Variants in ANKRD30A observed in about 807,000 individuals in gnomAD.
ANKRD30A encodes the protein ankyrin repeat domain-containing protein 30A.
In ANKRD30A, 170 loss-of-function variants were observed where a neutral mutation model predicts 166.3. The observed-to-expected ratio is 1.02, with a 90% CI of 0.90 to 1.16. The LOEUF (loss-of-function observed/expected upper bound fraction) is 1.16, where lower values mean the gene tolerates loss of function less well. Ranked by LOEUF, ANKRD30A falls within the 50% of genes most tolerant of loss-of-function variation. The probability of loss-of-function intolerance (pLI) is 0.00; values close to 1 mark genes in which losing one functional copy is unlikely to be tolerated. For synonymous variants in ANKRD30A, 564 were observed against 508.9 expected, an observed-to-expected ratio of 1.11 and a Z score of -1.46; for missense variants, 1,630 against 1,518.0, an observed-to-expected ratio of 1.07 and a Z score of -1.23.
chr10:37,147,946 G>A (rs924469599), intron 9 of ANKRD30A, among the ~76,000 whole-genome samples: 10 of 152,194 alleles, frequency 6.6e-5, no homozygotes, highest in African/African-American at 2.2e-4. Flanking sequence ...TCACTACTGG[G>A]AAGGCATTAG....
At chr10:37,194,433 C>T (rs1056900654) in intron 27 of ANKRD30A, among the ~76,000 whole-genome samples, 2 of 149,054 alleles carry the variant, frequency 1.3e-5, no homozygotes, top group South Asian at 2.1e-4. Flanking sequence ...CTCTGCCTCC[C>T]GGGTTCACGC....
At chr10:37,164,635 T>C (rs1289228282) in intron 17 of ANKRD30A, among the ~76,000 whole-genome samples, 1 of 152,146 alleles carries the variant, frequency 6.6e-6, no homozygotes, top group South Asian at 2.1e-4. Context: ...AAAAAGTTAA[T>C]ATTCCTAAAA....
At chr10:37,130,105 C>T in intron 2 of ANKRD30A, 98 bp downstream of exon 2, 1 of 1,166,908 alleles carries the variant, frequency 8.6e-7, no homozygotes, top group East Asian at 3.2e-5. Context: ...AGTTTTGAAA[C>T]CTGTGGAATA....
intron 33 of ANKRD30A, 54 bp downstream of exon 33, chr10:37,217,932 T>C: frequency 7.9e-7 from 1 of 1,267,074 alleles, no homozygotes; most frequent in South Asian, 1.6e-5. Context: ...TCATCAATAT[T>C]ACTTTTAATA....
At chr10:37,258,769 C>G in the ANKRD30A span, among the ~76,000 whole-genome samples, 1 of 151,362 alleles carries the variant, frequency 6.6e-6, no homozygotes, top group East Asian at 1.9e-4. Flanking sequence ...TGAGACCATC[C>G]TGGCTAACAA....
Position 37,216,232 on chromosome 10 carries a change from C to A in ANKRD30A, c.2921C>A (p.Ala974Glu). The A allele has an allele frequency of 2.5e-6, 4 of 1,607,452 alleles. No individual in the cohort carries two copies. In the South Asian group the frequency reaches 4.4e-5, roughly 18 times the overall value. Residue 974 changes from alanine (A) to glutamate (E), a missense_variant, in exon 32 of 36, where the codon GCA (alanine) becomes GAA (glutamate). Physicochemically the swap from Ala to Glu is moderately radical, Grantham distance 107 (BLOSUM62 -1). Transcript: ENST00000361713. ...GATACAGTTCATTCTTGTGAAAGAG[C>A]AAGGGAACTTCAAAAAGATCACTGT... ...ILDTVHSCER[A>E]RELQKDHCEQ...
chr10:37,226,183 T>C (rs1180673050), intron 34 of ANKRD30A, among the ~76,000 whole-genome samples: 1 of 151,446 alleles, frequency 6.6e-6, no homozygotes, highest in African/African-American at 2.4e-5. Context: ...TGTATACATG[T>C]GCCATGTTGG....
chr10:37,219,040 GA>G lies in ANKRD30A; in HGVS notation c.3331del (p.Ile1111LeufsTer4). 1 of 1,601,784 alleles carries G rather than the reference GA, an allele frequency of 6.2e-7. No individual in the cohort carries two copies. Among genetic ancestry groups the G allele is most frequent in the Admixed American group, 1.7e-5 (1 of 58,068 alleles). ...ACATGAAAATTGCATGTTGAAAAAG[GA>G]AATTGCCATGCTAAAACTGGAAATA... ...LLHENCMLKK[E>X]IAMLKLEIAT... On this transcript the variant is annotated frameshift_variant, in exon 34 of 36. Transcript: ENST00000361713. LOFTEE classifies it high-confidence loss of function.
chr10:37,158,351 G>A (rs1460209960), intron 13 of ANKRD30A, 41 bp from the exon 14 acceptor site: 5 of 1,594,758 alleles, frequency 3.1e-6, no homozygotes, highest in Non-Finnish European at 3.4e-6. Flanking sequence ...GGCTTTGTCA[G>A]GCTTGCATAT....
intron 34 of ANKRD30A, among the ~76,000 whole-genome samples, chr10:37,226,105 A>T (rs1843137822): frequency 6.7e-6 from 1 of 148,684 alleles, no homozygotes; most frequent in Non-Finnish European, 1.5e-5. Context: ...CTTTTTATTT[A>T]TATATATATA....
At chr10:37,190,157 C>A (rs1222159967) in intron 25 of ANKRD30A, among the ~76,000 whole-genome samples, 1 of 151,852 alleles carries the variant, frequency 6.6e-6, no homozygotes, top group Non-Finnish European at 1.5e-5. Context: ...TTGTCATATA[C>A]ACTCTGTATA....
chr10:37,161,659 A>G (rs1300481581), intron 15 of ANKRD30A, among the ~76,000 whole-genome samples: 1 of 152,144 alleles, frequency 6.6e-6, no homozygotes, highest in East Asian at 1.9e-4. Context: ...GAGTCCTACT[A>G]GAATTGGGGG....
chr10:37,130,058 T>C, intron 2 of ANKRD30A, 51 bp downstream of exon 2: 2 of 1,313,282 alleles, frequency 1.5e-6, no homozygotes, highest in Non-Finnish European at 2.0e-6. Context: ...TTTAAATACA[T>C]AGAATAAAAA....
At chr10:37,244,579 C>A in the ANKRD30A span, among the ~76,000 whole-genome samples, 2 of 152,230 alleles carry the variant, frequency 1.3e-5, no homozygotes, top group Admixed American at 6.5e-5. Flanking sequence ...TGCCCTTAGG[C>A]GAGTACTCAC....
intron 17 of ANKRD30A, 43 bp downstream of exon 17, chr10:37,162,891 A>T (rs115897793): frequency 6.3e-7 from 1 of 1,594,980 alleles, no homozygotes; most frequent in South Asian, 1.1e-5. Flanking sequence ...ATATTTCAAT[A>T]TTGGACATTT....
At chr10:37,206,774 G>A (rs1842018140) in intron 31 of ANKRD30A, among the ~76,000 whole-genome samples, 1 of 151,938 alleles carries the variant, frequency 6.6e-6, no homozygotes, top group Non-Finnish European at 1.5e-5. Flanking sequence ...AGCCTGGGTG[G>A]CAGAGTGAGA....
At chr10:37,210,456 A>T (rs1842235633) in intron 31 of ANKRD30A, among the ~76,000 whole-genome samples, 1 of 152,162 alleles carries the variant, frequency 6.6e-6, no homozygotes, top group Non-Finnish European at 1.5e-5. Context: ...TAATAGAATG[A>T]TTTATAATCC....
At chr10:37,159,561 A>G (rs959568334) in intron 15 of ANKRD30A, among the ~76,000 whole-genome samples, 6 of 152,348 alleles carry the variant, frequency 3.9e-5, no homozygotes, top group African/African-American at 1.4e-4. Context: ...GTATGTGGTT[A>G]TAGACCATGT....
intron 5 of ANKRD30A, among the ~76,000 whole-genome samples, chr10:37,134,571 C>CATGAAGATTTCAAAG (rs1465186685): frequency 6.6e-6 from 1 of 152,128 alleles, no homozygotes; most frequent in Non-Finnish European, 1.5e-5. Context: ...CATGGTGATC[C>CATGAAGATTTCAAAG]ATATGTAGAT....
Sources: gnomAD v4.1 joint callset for allele counts (sites outside exome capture counted in the v4.1 genomes callset) on GRCh38, gnomAD v4.1.1 for gene constraint, MANE v1.5 for transcripts, NCBI Gene and HGNC (gene_info 2026-07-23, HGNC 2026-07-21) for gene names.